The following SEMA5A variants were observed in gnomAD, a reference collection of about 807,000 sequenced individuals.
The protein encoded by SEMA5A is semaphorin 5A, also known as semaphorin-5A.
In SEMA5A, 55 loss-of-function variants were observed where a neutral mutation model predicts 135.5. That is an observed-to-expected ratio of 0.41 (90% CI 0.33 to 0.51). The LOEUF is 0.51. Ranked by LOEUF, SEMA5A falls within the 20% of genes least tolerant of loss-of-function variation. The pLI is 0.37. For missense variants in SEMA5A, 1,290 were observed against 1,419.9 expected (o/e 0.91, Z 1.47); for synonymous variants, 580 against 546.5 (o/e 1.06, Z -0.85).
intron 1 of SEMA5A, among the ~76,000 whole-genome samples, chr5:9,486,252 C>T (rs1421594477): frequency 6.6e-6 from 1 of 152,076 alleles, no homozygotes; most frequent in Non-Finnish European, 1.5e-5. Flanking sequence ...GGGGGAACAA[C>T]ACACACAGGC....
intron 1 of SEMA5A, among the ~76,000 whole-genome samples, chr5:9,464,754 G>A (rs1052722301): frequency 2.0e-4 from 31 of 152,106 alleles, no homozygotes; most frequent in African/African-American, 7.5e-4. Flanking sequence ...TAAAATGGAA[G>A]AAAGTGCCAC....
chr5:9,315,427 T>C (rs1391421018), intron 5 of SEMA5A, among the ~76,000 whole-genome samples: 1 of 152,206 alleles, frequency 6.6e-6, no homozygotes, highest in South Asian at 2.1e-4. Flanking sequence ...TCTACTATCT[T>C]ATCCAGACAT....
chr5:9,504,336 AC>A lies in SEMA5A; in HGVS notation c.-175+41247del, dbSNP rs372003154. Among the ~76,000 whole-genome samples, 493 of 152,292 alleles carry A rather than the reference AC, an allele frequency of 3.2e-3. 2 individuals carry two copies. The South Asian group carries it at 0.042, about 13-fold the overall frequency. On this transcript the variant is annotated intron_variant, in intron 1 of 22. Transcript: ENST00000382496. ...AAACCAAGAAAAAAAGTTTATTTTT[AC>A]AAATACAGTTTCCACAAAACTCAAA... is the stretch of plus-strand genomic sequence containing the variant.
At chr5:9,218,375 T>G (rs1311410082) in intron 8 of SEMA5A, among the ~76,000 whole-genome samples, 20 of 152,180 alleles carry the variant, frequency 1.3e-4, no homozygotes, top group Non-Finnish European at 7.4e-5. Context: ...GCTGGCTGCC[T>G]GGAAGTTTGG....
At chr5:9,540,536 G>T (rs1367831733) in intron 1 of SEMA5A, among the ~76,000 whole-genome samples, 2 of 152,126 alleles carry the variant, frequency 1.3e-5, no homozygotes, top group African/African-American at 4.8e-5. Flanking sequence ...GGCAGAGGTT[G>T]CAGTGAGCCA....
At chr5:9,046,088 GTGT>G (rs1736235565) in intron 21 of SEMA5A, 1 of 152,260 alleles carries the variant, frequency 6.6e-6, no homozygotes, top group African/African-American at 2.4e-5. Flanking sequence ...ATCTTCCTCT[GTGT>G]TGTTAGAACC....
chr5:9,472,650 G>A (rs1417747359), intron 1 of SEMA5A, among the ~76,000 whole-genome samples: 1 of 152,080 alleles, frequency 6.6e-6, no homozygotes, highest in African/African-American at 2.4e-5. Flanking sequence ...TTCACTTCCA[G>A]ATAGTCTCCT....
chr5:9,097,545 C>T (rs1312890403), intron 16 of SEMA5A, among the ~76,000 whole-genome samples: 1 of 152,184 alleles, frequency 6.6e-6, no homozygotes, highest in Admixed American at 6.5e-5. Flanking sequence ...AATGAGTCTG[C>T]TGAGAGGCAA....
intron 1 of SEMA5A, among the ~76,000 whole-genome samples, chr5:9,535,057 C>T (rs1470618040): frequency 6.6e-6 from 1 of 152,162 alleles, no homozygotes; most frequent in South Asian, 2.1e-4. Flanking sequence ...GAGGTGTGAG[C>T]CCCGGGAAAG....
At chr5:9,543,500 G>A (rs1738205929) in intron 1 of SEMA5A, among the ~76,000 whole-genome samples, 1 of 152,154 alleles carries the variant, frequency 6.6e-6, no homozygotes, top group Admixed American at 6.5e-5. Flanking sequence ...TTACCACCCA[G>A]GAGGCCAAAG....
chr5:9,440,746 C>T (rs1758203228), intron 1 of SEMA5A, among the ~76,000 whole-genome samples: 1 of 152,214 alleles, frequency 6.6e-6, no homozygotes, highest in Non-Finnish European at 1.5e-5. Flanking sequence ...CAACCTTCTC[C>T]CTGCCCAACT....
chr5:9,508,163 C>T (rs1021182414), intron 1 of SEMA5A, among the ~76,000 whole-genome samples: 1 of 152,110 alleles, frequency 6.6e-6, no homozygotes, highest in Admixed American at 6.5e-5. Flanking sequence ...TATCACCCTG[C>T]ATTCCACAAA....
At chr5:9,269,789 T>G (rs1014823119) in intron 5 of SEMA5A, among the ~76,000 whole-genome samples, 1 of 152,122 alleles carries the variant, frequency 6.6e-6, no homozygotes, top group African/African-American at 2.4e-5. Flanking sequence ...AATCTGCATA[T>G]GCAAAACATA....
chr5:9,127,018 A>G (rs1741150808), intron 13 of SEMA5A, among the ~76,000 whole-genome samples: 1 of 152,176 alleles, frequency 6.6e-6, no homozygotes, highest in South Asian at 2.1e-4. Flanking sequence ...TACAGTTTCA[A>G]TCTCTGAATA....
intron 3 of SEMA5A, among the ~76,000 whole-genome samples, chr5:9,377,548 A>AG (rs932803216): frequency 1.1e-4 from 17 of 152,318 alleles, no homozygotes; most frequent in Admixed American, 9.1e-4. Context: ...ACAAAAAAAA[A>AG]AGAGAGAGAA....
intron 12 of SEMA5A, among the ~76,000 whole-genome samples, chr5:9,152,983 G>A (rs900541246): frequency 6.6e-6 from 1 of 151,686 alleles, no homozygotes; most frequent in East Asian, 1.9e-4. Context: ...AAAGAGAATC[G>A]CTTGAACCCA....
intron 5 of SEMA5A, among the ~76,000 whole-genome samples, chr5:9,299,766 A>T (rs1009227974): frequency 1.3e-5 from 2 of 152,188 alleles, no homozygotes. Flanking sequence ...AATGCCAAAG[A>T]ATATTTTCAG....
chr5:9,480,852 A>G (rs1759849618), intron 1 of SEMA5A, among the ~76,000 whole-genome samples: 1 of 152,244 alleles, frequency 6.6e-6, no homozygotes, highest in Non-Finnish European at 1.5e-5. Flanking sequence ...ATTTAGAGCC[A>G]TGGACACATA....
At chr5:9,530,117 C>T (rs377061208) in intron 1 of SEMA5A, among the ~76,000 whole-genome samples, 2 of 152,228 alleles carry the variant, frequency 1.3e-5, no homozygotes, top group Non-Finnish European at 2.9e-5. Flanking sequence ...TAACTCTTGC[C>T]GCTCTGACTC....
Sources: gnomAD v4.1 joint callset for allele counts (sites outside exome capture counted in the v4.1 genomes callset) on GRCh38, gnomAD v4.1.1 for gene constraint, MANE v1.5 for transcripts, NCBI Gene and HGNC (gene_info 2026-07-23, HGNC 2026-07-21) for gene names.